DNAJB6: variants seen among roughly 807,000 people sequenced by gnomAD.
The protein encoded by DNAJB6 is dnaJ homolog subfamily B member 6.
Under a neutral mutation model 42.7 loss-of-function variants are expected in DNAJB6, and 16 were observed. That is an observed-to-expected ratio of 0.37 (90% CI 0.25 to 0.57). The LOEUF is 0.57. Ranked by LOEUF, DNAJB6 falls within the 20% of genes least tolerant of loss-of-function variation. The pLI, the probability that DNAJB6 is intolerant of heterozygous loss-of-function variation, is 0.74. For missense variants in DNAJB6, 347 were observed against 416.8 expected (o/e 0.83, Z 1.46); for synonymous variants, 170 against 163.5 (o/e 1.04, Z -0.30).
chr7:157,405,465 CGTG>C (rs755141017), intron 8 of DNAJB6, among the ~76,000 whole-genome samples: 1 of 152,190 alleles, frequency 6.6e-6, no homozygotes, highest in South Asian at 2.1e-4. Context: ...CCTTCCTCCT[CGTG>C]GTGACTGGGA....
At chr7:157,353,880 T>A (rs1447105654) in intron 1 of DNAJB6, among the ~76,000 whole-genome samples, 2 of 152,054 alleles carry the variant, frequency 1.3e-5, no homozygotes, top group Non-Finnish European at 2.9e-5. Context: ...CCCAGGCTGA[T>A]CTTGAACTCC....
chr7:157,355,349 A>G (rs1799217576), intron 1 of DNAJB6, among the ~76,000 whole-genome samples: 2 of 152,214 alleles, frequency 1.3e-5, no homozygotes, highest in South Asian at 4.1e-4. Flanking sequence ...TTTAGTAGAG[A>G]TGGAGTTTCA....
intron 8 of DNAJB6, among the ~76,000 whole-genome samples, chr7:157,398,295 T>G (rs1163179607): frequency 6.6e-6 from 1 of 152,196 alleles, no homozygotes. Context: ...CAGGCATGCA[T>G]TTTTGGTTGT....
intron 8 of DNAJB6, chr7:157,386,016 G>A: frequency 1.0e-6 from 1 of 994,498 alleles, no homozygotes; most frequent in Non-Finnish European, 1.2e-6. Context: ...TCGGCCTGCT[G>A]TGAAGTTAAC....
chr7:157,389,216 T>G (rs1801222792), intron 8 of DNAJB6, among the ~76,000 whole-genome samples: 1 of 152,264 alleles, frequency 6.6e-6, no homozygotes. Context: ...TATCCTGTCT[T>G]GATTACCTTC....
At chr7:157,343,077 T>A (rs943918393) in intron 1 of DNAJB6, among the ~76,000 whole-genome samples, 5 of 152,002 alleles carry the variant, frequency 3.3e-5, no homozygotes, top group African/African-American at 1.2e-4. Flanking sequence ...CTGCAACCTT[T>A]GCCTCCCAGG....
chr7:157,385,783 C>T (rs1472405806), intron 8 of DNAJB6, 172 bp downstream of exon 8: 44 of 1,367,988 alleles, frequency 3.2e-5, no homozygotes, highest in Non-Finnish European at 3.9e-5. Flanking sequence ...AACAGCTCAT[C>T]GGAGCCTCTA....
intron 8 of DNAJB6, among the ~76,000 whole-genome samples, chr7:157,388,991 C>T (rs917926416): frequency 2.0e-5 from 3 of 152,132 alleles, no homozygotes; most frequent in South Asian, 2.1e-4. Context: ...GCATCATGGG[C>T]GACTTGTCAT....
At chr7:157,367,558 T>C (rs1459070096) in intron 5 of DNAJB6, 75 bp downstream of exon 5, 1 of 932,296 alleles carries the variant, frequency 1.1e-6, no homozygotes, top group Non-Finnish European at 1.8e-6. Flanking sequence ...GGCCTTTCTG[T>C]TGAATTAACA....
chr7:157,409,657 G>C, intron 8 of DNAJB6, 138 bp from the exon 9 acceptor site: 2 of 992,050 alleles, frequency 2.0e-6, no homozygotes, highest in South Asian at 3.5e-5. Flanking sequence ...GAAGAAAGGA[G>C]ATAACCTCTT....
intron 1 of DNAJB6, among the ~76,000 whole-genome samples, chr7:157,344,110 G>GTCCT (rs1312026003): frequency 6.6e-6 from 1 of 152,162 alleles, no homozygotes; most frequent in Non-Finnish European, 1.5e-5. Flanking sequence ...GGAGGCCAAG[G>GTCCT]TGGTCAGATC....
chr7:157,385,434 T>C, intron 7 of DNAJB6, 107 bp from the exon 8 acceptor site: 2 of 1,196,186 alleles, frequency 1.7e-6, no homozygotes, highest in Non-Finnish European at 2.4e-6. Context: ...GCCTGAAAAT[T>C]ACTTATATTC....
intron 1 of DNAJB6, among the ~76,000 whole-genome samples, chr7:157,342,429 C>G (rs1019130420): frequency 1.4e-5 from 2 of 148,088 alleles, no homozygotes; most frequent in Non-Finnish European, 3.0e-5. Flanking sequence ...CCTCTGCCTC[C>G]CAGGTTCAAG....
At chr7:157,359,612 C>G (rs974780988) in intron 2 of DNAJB6, among the ~76,000 whole-genome samples, 1 of 151,984 alleles carries the variant, frequency 6.6e-6, no homozygotes, top group African/African-American at 2.4e-5. Flanking sequence ...TCACTGGAGC[C>G]CAGGGGTTTG....
At chr7:157,347,004 C>A (rs1013939882) in intron 1 of DNAJB6, among the ~76,000 whole-genome samples, 2 of 152,150 alleles carry the variant, frequency 1.3e-5, no homozygotes, top group Non-Finnish European at 2.9e-5. Context: ...TACAGGCGCC[C>A]GCCACCACGC....
rs1798928360 is a variant in DNAJB6, at chr7:157,350,739, G to T, written c.-26-7808G>T. Among the ~76,000 whole-genome samples, 5 of 151,642 alleles carry T rather than the reference G, an allele frequency of 3.3e-5. No individual in the cohort carries two copies. In the South Asian group the frequency reaches 1.0e-3, roughly 32 times the overall value. On this transcript the variant is annotated intron_variant, in intron 1 of 9. Transcript: ENST00000262177. Reference sequence around the variant, plus strand: ...GAGTCTTACTCTGTCTCCCAGGCTGGAGTGCAGTGGTGCGATCTTGGCTCA... The same window carrying T: ...GAGTCTTACTCTGTCTCCCAGGCTGTAGTGCAGTGGTGCGATCTTGGCTCA...
At chr7:157,412,500 C>T (rs1340494542) in intron 9 of DNAJB6, 4 of 152,308 alleles carry the variant, frequency 2.6e-5, no homozygotes, top group South Asian at 2.1e-4. Context: ...GACTTTGTAG[C>T]GATAACACAG....
chr7:157,387,866 G>A (rs946607768), intron 8 of DNAJB6, among the ~76,000 whole-genome samples: 5 of 152,046 alleles, frequency 3.3e-5, no homozygotes, highest in Admixed American at 1.3e-4. Context: ...GTTTTTTTGA[G>A]ACGGAGTCTT....
chr7:157,409,183 A>G (rs987905555), intron 8 of DNAJB6, among the ~76,000 whole-genome samples: 1 of 152,028 alleles, frequency 6.6e-6, no homozygotes, highest in Non-Finnish European at 1.5e-5. Context: ...TCTGTATTTC[A>G]AAGATTAATA....
Sources: allele counts gnomAD v4.1 joint callset (sites outside exome capture counted in the v4.1 genomes callset), GRCh38; gene constraint gnomAD v4.1.1; transcripts MANE v1.5; gene names NCBI Gene and HGNC (gene_info 2026-07-23, HGNC 2026-07-21).